The following COL16A1 variants were observed in gnomAD, a reference collection of about 807,000 sequenced individuals.
The protein encoded by COL16A1 is collagen alpha-1(XVI) chain.
A neutral mutation model predicts 266.3 loss-of-function variants in COL16A1; 189 were observed. The observed-to-expected ratio is 0.71, with a 90% CI of 0.63 to 0.80. The LOEUF (loss-of-function observed/expected upper bound fraction) is 0.80. COL16A1 is among the 30% of genes least tolerant of loss of function. COL16A1 has a pLI of 0.00. For missense variants in COL16A1, 1,928 were observed against 2,122.4 expected (o/e 0.91, Z 1.80); for synonymous variants, 740 against 782.3 (o/e 0.95, Z 0.90).
chr1:31,655,816 C>T (rs1483083826), intron 66 of COL16A1: 1 of 395,476 alleles, frequency 2.5e-6, no homozygotes, highest in Admixed American at 4.3e-5. Context: ...TCTCCCCACC[C>T]TCTGCCTCCC....
Position 31,653,004 on chromosome 1 carries a change from G to T in COL16A1, c.4613-151C>A, listed in dbSNP as rs986872081. 48 of 802,858 alleles carry T rather than the reference G, an allele frequency of 6.0e-5. 1 individual carries two copies. The East Asian group carries it at 1.5e-3, about 25-fold the overall frequency. 49.7% of individuals were successfully genotyped at this position (802,858 alleles called of 1,614,324 possible). ...GAAGACCTAGTCTGATCCTCACGTT[G>T]ATTTAACAATAACAATACTGCTGGC... On this transcript the variant is annotated intron_variant, in intron 70 of 70. Transcript: ENST00000373672.
At chr1:31,673,477 G>A (rs1171681294) in intron 44 of COL16A1, among the ~76,000 whole-genome samples, 1 of 152,222 alleles carries the variant, frequency 6.6e-6, no homozygotes, top group Non-Finnish European at 1.5e-5. Context: ...GGACTCAGGA[G>A]CCCGGAGCCT....
chr1:31,694,632 G>C (rs1644415748), intron 11 of COL16A1, among the ~76,000 whole-genome samples: 1 of 152,194 alleles, frequency 6.6e-6, no homozygotes, highest in Non-Finnish European at 1.5e-5. Context: ...AGAATGTTAG[G>C]CCCCAGAAAA....
Position 31,657,183 on chromosome 1 carries a change from C to T in COL16A1, c.4021-115G>A. 4 of 1,296,926 alleles carry T rather than the reference C, an allele frequency of 3.1e-6. No individual in the cohort carries two copies. Among genetic ancestry groups the T allele is most frequent in the Non-Finnish European group, 4.4e-6 (4 of 899,022 alleles). 80.3% of individuals were successfully genotyped at this position (1,296,926 alleles called of 1,614,324 possible). A position where few individuals can be genotyped will look rare whatever the true frequency, so the allele number is the denominator to read the frequency against. On this transcript the variant is annotated intron_variant, in intron 64 of 70. Coordinates refer to ENST00000373672, the MANE Select transcript of COL16A1 (RefSeq NM_001856.4). This position sits in a 1 kb window ranked among gnomAD's most constrained non-coding sequence, Gnocchi z 6.4. Reference sequence around the variant, plus strand: ...CCTGTTCCACCCAGAGGCCACGATCCTCCAGCCCTCACCCTCTGACAATCT... The same window carrying T: ...CCTGTTCCACCCAGAGGCCACGATCTTCCAGCCCTCACCCTCTGACAATCT...
At position 31,681,206 on chromosome 1, in the gene COL16A1, G is replaced by A; in HGVS notation, c.2539-139C>T. On this transcript the variant is annotated intron_variant, in intron 37 of 70. Coordinates refer to ENST00000373672, the MANE Select transcript of COL16A1 (RefSeq NM_001856.4). ...CCCAGGGCCGAGGGCCCACGTTCCA[G>A]AGGAGGAGACTGAGGTGCCGGACAA... 4 of 1,255,978 alleles carry A rather than the reference G, an allele frequency of 3.2e-6. No individual in the cohort carries two copies. The South Asian group carries it at 4.7e-5, about 15-fold the overall frequency. 77.8% of individuals were successfully genotyped at this position (1,255,978 alleles called of 1,614,324 possible).
At chr1:31,666,290 GCTCACTGCA>G in intron 52 of COL16A1, 1 of 590,590 alleles carries the variant, frequency 1.7e-6, no homozygotes, top group Non-Finnish European at 2.9e-6. Flanking sequence ...CCACCTCCTG[GCTCACTGCA>G]AGCCAGCCAG....
chr1:31,690,478 C>T, intron 21 of COL16A1, 51 bp downstream of exon 21: 1 of 1,614,192 alleles, frequency 6.2e-7, no homozygotes, highest in Non-Finnish European at 8.5e-7. Flanking sequence ...GCCCCTCCCT[C>T]CAGAGGCCTT....
At chr1:31,684,308 A>G (rs1341289783) in intron 31 of COL16A1, 77 bp from the exon 32 acceptor site, 1 of 1,449,164 alleles carries the variant, frequency 6.9e-7, no homozygotes, top group African/African-American at 1.4e-5. Flanking sequence ...CACCCCTCTG[A>G]ACACTCTGCC....
Position 31,668,152 on chromosome 1 carries a change from TC to T in COL16A1, c.3303+12del, listed in dbSNP as rs747124573. On this transcript the variant is annotated intron_variant, in intron 51 of 70. Transcript: ENST00000373672. This position sits in a 1 kb window ranked among gnomAD's most constrained non-coding sequence, Gnocchi z 5.8. ...CCTGGCACCCACTCCCCAGCAAGGGTCCCCTTACTCACAGGCAGTCCTGGGG... is the reference window on the plus strand; with the variant it reads ...CCTGGCACCCACTCCCCAGCAAGGGTCCCTTACTCACAGGCAGTCCTGGGG... 1 of 1,606,340 alleles carries T rather than the reference TC, an allele frequency of 6.2e-7. No homozygotes were observed. Among genetic ancestry groups the T allele is most frequent in the Non-Finnish European group, 8.5e-7 (1 of 1,176,234 alleles).
Position 31,683,944 on chromosome 1 carries a change from AC to A in COL16A1, c.2337+5del. On this transcript the variant is annotated splice_donor_5th_base_variant and intron_variant, in intron 33 of 70. Coordinates refer to ENST00000373672, the MANE Select transcript of COL16A1 (RefSeq NM_001856.4). ...TACGGCCCAGGGCCCCAAGACTCAC[AC>A]ATACCTGCACGCCCTTCAGTCCTGG... The A allele has an allele frequency of 1.2e-6, 2 of 1,613,916 alleles. No individual in the cohort carries two copies. The highest frequency in any genetic ancestry group is 1.7e-6 in the Non-Finnish European group (2 of 1,179,946).
chr1:31,692,703 A>G (rs2297675), intron 14 of COL16A1, 61 bp from the exon 15 acceptor site: 240,836 of 1,612,930 alleles, frequency 0.15, 22,111 homozygotes, highest in South Asian at 0.38. Context: ...TGCCAAGCGC[A>G]CAGTCCCTCC....
At position 31,697,756 on chromosome 1, in the gene COL16A1, G is replaced by C; in HGVS notation, c.657+150C>G. The C allele has an allele frequency of 3.2e-6, 3 of 928,628 alleles. No individual in the cohort carries two copies. Among genetic ancestry groups the C allele is most frequent in the Non-Finnish European group, 3.3e-6 (2 of 614,318 alleles). The allele number at this position is 928,628 out of a possible 1,614,324, so 57.5% of individuals were successfully genotyped here. A position where few individuals can be genotyped will look rare whatever the true frequency, so the allele number is the denominator to read the frequency against. ...GATCATGAAGGGCCTTGAATGCCAG[G>C]TGAATATGTTTAGGCTGCATTTGGA... On this transcript the variant is annotated intron_variant, in intron 6 of 70. Coordinates refer to ENST00000373672, the MANE Select transcript of COL16A1 (RefSeq NM_001856.4). This position sits in a 1 kb window ranked among gnomAD's most constrained non-coding sequence, Gnocchi z 4.2.
At chr1:31,662,942 C>T in intron 56 of COL16A1, 1 of 550,626 alleles carries the variant, frequency 1.8e-6, no homozygotes, top group Non-Finnish European at 3.2e-6. Context: ...ATGGCAGGGG[C>T]TCAGTAGCAT....
rs529234515 is a variant in COL16A1, at chr1:31,686,319, G to A, written c.1804-40C>T. The A allele has an allele frequency of 6.2e-6, 10 of 1,614,080 alleles. No individual in the cohort carries two copies. The African/African-American group carries it at 1.3e-4, about 22-fold the overall frequency. On this transcript the variant is annotated intron_variant, in intron 26 of 70. Coordinates refer to ENST00000373672, the MANE Select transcript of COL16A1 (RefSeq NM_001856.4). ...AGAAACCATGATTAAAGAGGGGATG[G>A]AGTCTGGGTGCTAGAGCAATCCCAA...
chr1:31,698,145 G>A lies in COL16A1; in HGVS notation c.418C>T (p.Arg140Trp), dbSNP rs544826481. The A allele has an allele frequency of 1.7e-5, 28 of 1,613,862 alleles. No individual in the cohort carries two copies. The highest frequency in any genetic ancestry group is 8.8e-5 in the South Asian group (8 of 91,076). ...CCCTGGGCCCTGAGCTCCAGGCTCCGCTCTTGGCTGTTGACTTCCAGGGAT... is the reference window on the plus strand; with the variant it reads ...CCCTGGGCCCTGAGCTCCAGGCTCCACTCTTGGCTGTTGACTTCCAGGGAT... ...QISLEVNSQE[R>W]SLELRAQGQD... Residue 140 changes from arginine (R) to tryptophan (W), a missense_variant, in exon 6 of 71, where the codon CGG becomes TGG. Coordinates refer to ENST00000373672, the MANE Select transcript of COL16A1 (RefSeq NM_001856.4). This position sits in a 1 kb window ranked among gnomAD's most constrained non-coding sequence, Gnocchi z 4.1.
chr1:31,696,538 G>C (rs565362426), intron 8 of COL16A1, among the ~76,000 whole-genome samples: 4 of 152,382 alleles, frequency 2.6e-5, no homozygotes, highest in Admixed American at 2.6e-4. Flanking sequence ...TGTAAAACCA[G>C]TCTGGCCCTG....
chr1:31,681,039 C>T lies in COL16A1; in HGVS notation c.2567G>A (p.Gly856Glu), dbSNP rs1454591401. Residue 856 changes from glycine (G) to glutamate (E), a missense_variant, in exon 38 of 71, where the codon GGA (glycine) becomes GAA (glutamate). Transcript: ENST00000373672. ...PGRDGQQGQT[G>E]LRGTPGEKGP... ...TGTACTCACTGGTGTTCCTCTGAGT[C>T]CCGTCTGTCCTTGCTGCCCATCACG... 3 of 1,613,472 alleles carry T rather than the reference C, an allele frequency of 1.9e-6. No individual in the cohort carries two copies. The highest frequency in any genetic ancestry group is 1.7e-5 in the Admixed American group (1 of 59,982).
chr1:31,697,956 C>T lies in COL16A1; in HGVS notation c.607G>A (p.Val203Met). The change falls in exon 6 of 71, where the codon GTG becomes ATG. Residue 203 changes from valine (V) to methionine (M), a missense_variant. By Grantham distance (21) the Val-to-Met change is conservative. Transcript: ENST00000373672. This position sits in a 1 kb window ranked among gnomAD's most constrained non-coding sequence, Gnocchi z 4.2. ...PLGPRRPMRP[V>M]GHVFLGLDAE... The stretch of plus-strand genomic sequence containing the variant: ...TCCAAGCCTAGAAATACATGGCCCA[C>T]AGGCCTCATGGGTCGTCGGGGCCCC... 2.5e-6 allele frequency: 4 copies of T among 1,613,304 alleles called. No homozygotes were observed. The highest frequency in any genetic ancestry group is 2.2e-5 in the South Asian group (2 of 91,060).
In COL16A1 at chr1:31,652,462, G is replaced by A; in HGVS notation, c.*189C>T. 2 of 614,236 alleles carry A rather than the reference G, an allele frequency of 3.3e-6. No individual in the cohort carries two copies. The highest frequency in any genetic ancestry group is 4.3e-5 in the South Asian group (1 of 23,198). The allele number at this position is 614,236 out of a possible 1,614,324, so 38.0% of individuals were successfully genotyped here. On this transcript the variant is annotated 3_prime_UTR_variant, in exon 71 of 71. Transcript: ENST00000373672. The surrounding 1 kb of genome is among the most constrained non-coding windows in gnomAD (Gnocchi z 4.8). ...AGGAGGGCAACAGGGAGCTCTGGCTGCAGCACCAGAGGAACCCACTGGAAG... is the reference window on the plus strand; with the variant it reads ...AGGAGGGCAACAGGGAGCTCTGGCTACAGCACCAGAGGAACCCACTGGAAG...
Sources: gnomAD v4.1 joint callset for allele counts (sites outside exome capture counted in the v4.1 genomes callset) on GRCh38, gnomAD v4.1.1 for gene constraint, Gnocchi (gnomAD v3.1) non-coding constraint, MANE v1.5 for transcripts, NCBI Gene and HGNC (gene_info 2026-07-23, HGNC 2026-07-21) for gene names.